The following CHCHD6 variants were observed in gnomAD, a reference collection of about 807,000 sequenced individuals.
The protein encoded by CHCHD6 is coiled-coil-helix-coiled-coil-helix domain containing 6, also known as MICOS complex subunit MIC25.
A neutral mutation model predicts 32.3 loss-of-function variants in CHCHD6; 28 were observed. The ratio of observed to expected loss-of-function variants is 0.87; its 90% confidence interval spans 0.64 to 1.19. The LOEUF (loss-of-function observed/expected upper bound fraction) is 1.19, where lower values mean the gene tolerates loss of function less well. Ranked by LOEUF, CHCHD6 falls within the 50% of genes most tolerant of loss-of-function variation. The pLI, the probability that CHCHD6 is intolerant of heterozygous loss-of-function variation, is 0.00. For missense variants in CHCHD6, 333 were observed against 307.0 expected (o/e 1.08, Z -0.63); for synonymous variants, 122 against 117.5 (o/e 1.04, Z -0.25).
chr3:126,836,522 G>T (rs1424736937), intron 4 of CHCHD6, among the ~76,000 whole-genome samples: 1 of 152,134 alleles, frequency 6.6e-6, no homozygotes. Flanking sequence ...ATGTTCATCT[G>T]TCCATCCCTT....
At chr3:126,759,196 T>G (rs1219525574) in intron 4 of CHCHD6, among the ~76,000 whole-genome samples, 1 of 152,252 alleles carries the variant, frequency 6.6e-6, no homozygotes, top group Non-Finnish European at 1.5e-5. Flanking sequence ...ACTCAGATGC[T>G]TTCCTGCCTT....
intron 4 of CHCHD6, among the ~76,000 whole-genome samples, chr3:126,793,032 C>G (rs915324117): frequency 6.6e-6 from 1 of 152,090 alleles, no homozygotes; most frequent in Non-Finnish European, 1.5e-5. Flanking sequence ...TTAAAATCTT[C>G]TTTGTCTGGT....
In CHCHD6 at chr3:126,727,168, T is replaced by C. The variant is rs768231198; in HGVS notation, c.178T>C (p.Leu60=). 6 of 1,611,224 alleles carry C rather than the reference T, an allele frequency of 3.7e-6. No individual in the cohort carries two copies. In the African/African-American group the frequency reaches 8.0e-5, roughly 22 times the overall value. Reference sequence around the variant, plus strand: ...TACCTTTGGCCTTCAAGATGGCAACTTGAGAGCCCCTCACAAAGGTATGGG... The same window carrying C: ...TACCTTTGGCCTTCAAGATGGCAACCTGAGAGCCCCTCACAAAGGTATGGG... The part of the protein sequence containing the change: ...SSTFGLQDGN[L]RAPHKESTLP... Residue 60 remains leucine (L), a synonymous_variant, in exon 2 of 8, where the codon TTG becomes CTG. Transcript: ENST00000290913.
chr3:126,768,768 G>A (rs1174516486), intron 4 of CHCHD6, among the ~76,000 whole-genome samples: 5 of 152,166 alleles, frequency 3.3e-5, no homozygotes, highest in African/African-American at 1.2e-4. Context: ...TCTGACTGGT[G>A]TAAGATGGTA....
intron 1 of CHCHD6, among the ~76,000 whole-genome samples, chr3:126,711,983 C>G (rs1401445958): frequency 1.3e-5 from 2 of 152,226 alleles, no homozygotes; most frequent in Non-Finnish European, 2.9e-5. Context: ...CTGACAAGTG[C>G]TGAGGCATTA....
At chr3:126,733,017 TGGCTATG>T in intron 3 of CHCHD6, 54 bp from the exon 4 acceptor site, 3 of 1,585,070 alleles carry the variant, frequency 1.9e-6, no homozygotes, top group Non-Finnish European at 2.6e-6. Context: ...GATCTTGTCT[TGGCTATG>T]GGCTGCCCGT....
intron 5 of CHCHD6, among the ~76,000 whole-genome samples, chr3:126,900,139 A>G (rs561825895): frequency 3.9e-5 from 6 of 152,340 alleles, no homozygotes; most frequent in African/African-American, 1.4e-4. Flanking sequence ...ATGTGTAGCA[A>G]CGTGAATGGA....
At chr3:126,958,950 A>G (rs1303045281) in intron 7 of CHCHD6, among the ~76,000 whole-genome samples, 1 of 152,134 alleles carries the variant, frequency 6.6e-6, no homozygotes, top group African/African-American at 2.4e-5. Flanking sequence ...TCTGTTCATC[A>G]CACACCTAAC....
chr3:126,887,829 C>T (rs928181289), intron 5 of CHCHD6, among the ~76,000 whole-genome samples: 1 of 152,222 alleles, frequency 6.6e-6, no homozygotes, highest in African/African-American at 2.4e-5. Context: ...ATCCTTTTTG[C>T]TGAATGAGAA....
intron 4 of CHCHD6, among the ~76,000 whole-genome samples, chr3:126,756,623 G>A (rs1427508711): frequency 6.6e-6 from 1 of 152,204 alleles, no homozygotes; most frequent in African/African-American, 2.4e-5. Context: ...TAAACACTCT[G>A]TGGCCGCAGT....
At chr3:126,765,752 A>G (rs948195287) in intron 4 of CHCHD6, among the ~76,000 whole-genome samples, 2 of 152,204 alleles carry the variant, frequency 1.3e-5, no homozygotes, top group Admixed American at 6.5e-5. Flanking sequence ...CCAAGTCCCC[A>G]TGGTTCCACC....
At chr3:126,714,860 G>A (rs1559799880) in intron 1 of CHCHD6, among the ~76,000 whole-genome samples, 1 of 152,174 alleles carries the variant, frequency 6.6e-6, no homozygotes. Flanking sequence ...CATCCTCAGA[G>A]TGAGGACGAT....
chr3:126,956,598 C>T (rs1458470382), intron 6 of CHCHD6, among the ~76,000 whole-genome samples: 2 of 66,518 alleles, frequency 3.0e-5, no homozygotes, highest in Non-Finnish European at 6.6e-5. Flanking sequence ...TCAGTGTGCG[C>T]ACGAGAGAGA....
At chr3:126,945,699 G>A (rs1457459386) in intron 6 of CHCHD6, among the ~76,000 whole-genome samples, 3 of 141,454 alleles carry the variant, frequency 2.1e-5, no homozygotes, top group Non-Finnish European at 4.6e-5. Context: ...AGACTCAAGC[G>A]GGGAGACTCG....
chr3:126,877,371 C>T (rs1484436567), intron 5 of CHCHD6, among the ~76,000 whole-genome samples: 3 of 151,984 alleles, frequency 2.0e-5, no homozygotes, highest in Non-Finnish European at 2.9e-5. Context: ...CTAGCTAACA[C>T]GGTGAAACCC....
rs139562315 is a variant in CHCHD6 at position 126,753,343 on chromosome 3, C to A, written c.411+20121C>A. Among the ~76,000 whole-genome samples, 566 of 152,328 alleles carry A rather than the reference C, an allele frequency of 3.7e-3. 7 individuals carry two copies. The highest frequency in any genetic ancestry group is 0.013 in the African/African-American group (549 of 41,572). On this transcript the variant is annotated intron_variant, in intron 4 of 7. Transcript: ENST00000290913. ...CTGTGAAGAAGTCAAGGTTCGGCAG[C>A]AGGAGCTGTGCCGTCCTTTTGCCCA...
chr3:126,771,624 A>G (rs1937544546), intron 4 of CHCHD6, among the ~76,000 whole-genome samples: 1 of 151,946 alleles, frequency 6.6e-6, no homozygotes, highest in Non-Finnish European at 1.5e-5. Flanking sequence ...ATGGTTTTTA[A>G]TGTCTCAATT....
intron 4 of CHCHD6, among the ~76,000 whole-genome samples, chr3:126,801,465 C>A (rs1016994093): frequency 6.6e-6 from 1 of 152,216 alleles, no homozygotes; most frequent in Non-Finnish European, 1.5e-5. Flanking sequence ...ATTGCTAGCA[C>A]AGCAGTCTGA....
At chr3:126,888,225 T>C (rs375310031) in intron 5 of CHCHD6, among the ~76,000 whole-genome samples, 9 of 152,136 alleles carry the variant, frequency 5.9e-5, no homozygotes, top group Admixed American at 4.6e-4. Flanking sequence ...ACTCTGGGGT[T>C]ACCATGCCAC....
Sources: allele counts gnomAD v4.1 joint callset (sites outside exome capture counted in the v4.1 genomes callset), GRCh38; gene constraint gnomAD v4.1.1; transcripts MANE v1.5; gene names NCBI Gene and HGNC (gene_info 2026-07-23, HGNC 2026-07-21).